The following CDH22 variants were observed in gnomAD, a reference collection of about 807,000 sequenced individuals.
CDH22 encodes cadherin-22.
In CDH22, 30 loss-of-function variants were observed where a neutral mutation model predicts 58.4. The ratio of observed to expected loss-of-function variants is 0.51; its 90% CI spans 0.38 to 0.70. CDH22 has a LOEUF of 0.70. Ranked by LOEUF, CDH22 falls within the 30% of genes least tolerant of loss-of-function variation. The pLI is 0.00. For synonymous variants in CDH22, 513 were observed against 558.2 expected (o/e 0.92, Z 1.14); for missense variants, 1,014 against 1,233.9 (o/e 0.82, Z 2.67).
intron 1 of CDH22, among the ~76,000 whole-genome samples, chr20:46,289,985 A>T (rs1328819684): frequency 6.6e-6 from 1 of 152,222 alleles, no homozygotes; most frequent in Non-Finnish European, 1.5e-5. Context: ...TAGGGTCTGA[A>T]TTAAGGTTTG....
At chr20:46,303,061 C>T (rs953986231) in intron 1 of CDH22, among the ~76,000 whole-genome samples, 4 of 152,182 alleles carry the variant, frequency 2.6e-5, no homozygotes, top group East Asian at 1.9e-4. Context: ...AAAACCTGTG[C>T]GTGGCTCCCC....
rs200610290 is a variant in CDH22, at chr20:46,216,965, A to G, written c.699T>C (p.Leu233=). 7.5e-6 allele frequency: 12 copies of G among 1,602,474 alleles called. No individual in the cohort carries two copies. The highest frequency in any genetic ancestry group is 2.7e-5 in the African/African-American group (2 of 74,688). Reference sequence around the variant, plus strand: ...CGTAGCGCTCCTGGCTCTCGCGGTCAAGGTCAGGCACAGCCGTCCGGATTA... The same window carrying G: ...CGTAGCGCTCCTGGCTCTCGCGGTCGAGGTCAGGCACAGCCGTCCGGATTA... The part of the protein sequence containing the change: ...TGVIRTAVPD[L]DRESQERYEV... Residue 233 remains leucine (L), a synonymous_variant, in exon 5 of 12, where the codon CTT becomes CTC. Transcript: ENST00000537909. The surrounding 1 kb of genome is among the most constrained non-coding windows in gnomAD (Gnocchi z 5.3).
At chr20:46,293,096 G>A (rs1309924310) in intron 1 of CDH22, among the ~76,000 whole-genome samples, 1 of 152,124 alleles carries the variant, frequency 6.6e-6, no homozygotes, top group Non-Finnish European at 1.5e-5. Flanking sequence ...AATGAATTGG[G>A]GGAGGAGACT....
intron 5 of CDH22, 51 bp from the exon 6 acceptor site, chr20:46,213,239 C>T (rs751997076): frequency 2.7e-6 from 4 of 1,508,626 alleles, no homozygotes; most frequent in Non-Finnish European, 2.7e-6. Context: ...CTTCCCCAGC[C>T]TCTGCCAGCA....
chr20:46,174,674 G>T lies in CDH22; in HGVS notation c.2319C>A (p.Tyr773Ter). The change falls in exon 12 of 12, where the codon TAC becomes TAA. Residue 773 changes from tyrosine (Y) to a stop codon, truncating the protein, a stop_gained. Transcript: ENST00000537909. LOFTEE classifies it low-confidence loss of function (END_TRUNC). The surrounding 1 kb of genome is among the most constrained non-coding windows in gnomAD (Gnocchi z 4.4). ...SVPPYDAFQT[Y>*]AFEGADSPAA... ...CCGGCGAGTCCGCGCCCTCGAAGGC[G>T]TAGGTCTGGAAGGCGTCGTAGGGCG... is the stretch of plus-strand genomic sequence containing the variant. 1.3e-6 allele frequency: 2 copies of T among 1,560,608 alleles called. No homozygotes were observed. The highest frequency in any genetic ancestry group is 8.6e-7 in the Non-Finnish European group (1 of 1,160,536).
chr20:46,253,386 G>A (rs1398354555), intron 1 of CDH22, among the ~76,000 whole-genome samples: 2 of 152,200 alleles, frequency 1.3e-5, no homozygotes, highest in African/African-American at 2.4e-5. Flanking sequence ...GGCAATGAGA[G>A]TGGGAAAACG....
chr20:46,243,089 G>C (rs1053805154), intron 2 of CDH22, among the ~76,000 whole-genome samples: 1 of 152,188 alleles, frequency 6.6e-6, no homozygotes, highest in African/African-American at 2.4e-5. Flanking sequence ...CATGGAGATG[G>C]AGTGTGGACA....
Position 46,300,521 on chromosome 20 carries a change from C to G in CDH22, c.-400+7734G>C, listed in dbSNP as rs1339810385. 6.6e-6 allele frequency among the ~76,000 whole-genome samples: 1 copy of G among 152,210 alleles called. No homozygotes were observed. The highest frequency in any genetic ancestry group is 2.4e-5 in the African/African-American group (1 of 41,452). ...GCGTGCGCGTGCACACACACATACA[C>G]ACACACTCCACCTCCCCAGCTCCCC... is the stretch of plus-strand genomic sequence containing the variant. On this transcript the variant is annotated intron_variant, in intron 1 of 11. Transcript: ENST00000537909. This position sits in a 1 kb window ranked among gnomAD's most constrained non-coding sequence, Gnocchi z 4.4.
Position 46,241,335 on chromosome 20 carries a change from T to C in CDH22, c.256-78A>G. 7.9e-7 allele frequency: 1 copy of C among 1,258,680 alleles called. No homozygotes were observed. Among genetic ancestry groups the C allele is most frequent in the South Asian group, 1.5e-5 (1 of 66,278 alleles). The allele number at this position is 1,258,680 out of a possible 1,614,324, so 78.0% of individuals were successfully genotyped here. A position where few individuals can be genotyped will look rare whatever the true frequency, so the allele number is the denominator to read the frequency against. On this transcript the variant is annotated intron_variant, in intron 2 of 11. Transcript: ENST00000537909. This position sits in a 1 kb window ranked among gnomAD's most constrained non-coding sequence, Gnocchi z 5.2. ...GGCCTCACTGTCTCATGCCATTGGC[T>C]GCCTATTCCTAAGCCCATCTCTTCT...
intron 7 of CDH22, among the ~76,000 whole-genome samples, chr20:46,207,647 C>T (rs2086011026): frequency 6.6e-6 from 1 of 152,188 alleles, no homozygotes; most frequent in Non-Finnish European, 1.5e-5. Context: ...GTCTGAGCTC[C>T]TCAGCCTGCC....
chr20:46,202,875 C>G (rs2085971985), intron 7 of CDH22, among the ~76,000 whole-genome samples: 1 of 152,178 alleles, frequency 6.6e-6, no homozygotes, highest in African/African-American at 2.4e-5. Flanking sequence ...CAGGAGAGGA[C>G]CAGAGACATG....
intron 1 of CDH22, among the ~76,000 whole-genome samples, chr20:46,272,027 C>A (rs1300674940): frequency 1.3e-5 from 2 of 152,206 alleles, no homozygotes; most frequent in Non-Finnish European, 2.9e-5. Flanking sequence ...GAATGACACC[C>A]TCATCTGTCA....
chr20:46,199,682 A>T (rs933437909), intron 7 of CDH22, 123 bp from the exon 8 acceptor site: 5 of 1,231,128 alleles, frequency 4.1e-6, no homozygotes, highest in Non-Finnish European at 5.6e-6. Context: ...AGGGGCAGAG[A>T]AACCCCTTGC....
intron 5 of CDH22, 113 bp from the exon 6 acceptor site, chr20:46,213,301 T>G: frequency 1.4e-6 from 1 of 696,760 alleles, no homozygotes; most frequent in South Asian, 1.8e-5. Context: ...GGACAGTGCC[T>G]GAAAGGGGCT....
At chr20:46,298,981 C>T (rs1381118717) in intron 1 of CDH22, among the ~76,000 whole-genome samples, 1 of 152,136 alleles carries the variant, frequency 6.6e-6, no homozygotes, top group Non-Finnish European at 1.5e-5. Flanking sequence ...TTCAGCTGTC[C>T]CCGTCTGTTG....
At chr20:46,288,081 T>G (rs1371620680) in intron 1 of CDH22, among the ~76,000 whole-genome samples, 1 of 152,172 alleles carries the variant, frequency 6.6e-6, no homozygotes, top group Non-Finnish European at 1.5e-5. Context: ...GTAGCAAGTT[T>G]GGAGGATAAG....
intron 2 of CDH22, among the ~76,000 whole-genome samples, chr20:46,248,711 C>G (rs1479436483): frequency 2.0e-5 from 3 of 152,270 alleles, no homozygotes; most frequent in South Asian, 2.1e-4. Context: ...ACTTGGGAAG[C>G]TGAGGCAGGA....
intron 4 of CDH22, among the ~76,000 whole-genome samples, chr20:46,222,438 G>C (rs2086133663): frequency 6.6e-6 from 1 of 152,200 alleles, no homozygotes. Flanking sequence ...CTGACCCCAG[G>C]ATCTGGCACT....
chr20:46,246,879 T>C (rs1818425144), intron 2 of CDH22, among the ~76,000 whole-genome samples: 1 of 152,192 alleles, frequency 6.6e-6, no homozygotes, highest in Non-Finnish European at 1.5e-5. Context: ...AAGTCCTTTC[T>C]TCCTGAAGAG....
Sources: allele counts gnomAD v4.1 joint callset (sites outside exome capture counted in the v4.1 genomes callset), GRCh38; gene constraint gnomAD v4.1.1; non-coding constraint Gnocchi (gnomAD v3.1); transcripts MANE v1.5; gene names NCBI Gene and HGNC (gene_info 2026-07-23, HGNC 2026-07-21).